The following PRDM5 variants were observed in gnomAD, a reference collection of about 807,000 sequenced individuals.
PRDM5 encodes the protein PR/SET domain 5.
Under a neutral mutation model 81.2 loss-of-function variants are expected in PRDM5, and 56 were observed. That is an observed-to-expected ratio of 0.69 (90% CI 0.56 to 0.86). The LOEUF is 0.86. Among genes scored for constraint, PRDM5 ranks in the 40% least tolerant of loss-of-function variants. The pLI is 0.00. For synonymous variants in PRDM5, 267 were observed against 256.4 expected, an observed-to-expected ratio of 1.04 and a Z score of -0.39; for missense variants, 697 against 770.1, an observed-to-expected ratio of 0.91 and a Z score of 1.12.
chr4:120,819,347 C>T (rs1754960976), intron 4 of PRDM5, among the ~76,000 whole-genome samples: 1 of 152,112 alleles, frequency 6.6e-6, no homozygotes, highest in African/African-American at 2.4e-5. Flanking sequence ...CATTGTTAGA[C>T]ATTTGGGTGG....
intron 11 of PRDM5, among the ~76,000 whole-genome samples, chr4:120,783,069 A>T (rs544763976): frequency 6.6e-6 from 1 of 152,234 alleles, no homozygotes; most frequent in South Asian, 2.1e-4. Flanking sequence ...AATTTCCAAA[A>T]TCATTACAAG....
chr4:120,686,451 G>A (rs888229356), intron 1 of PRDM5, among the ~76,000 whole-genome samples: 6 of 151,940 alleles, frequency 3.9e-5, no homozygotes, highest in Admixed American at 6.6e-5. Flanking sequence ...AGGATATTTC[G>A]TGCTTCTAAC....
At chr4:120,739,115 C>T (rs115473756) in intron 14 of PRDM5, among the ~76,000 whole-genome samples, 76 of 152,286 alleles carry the variant, frequency 5.0e-4, no homozygotes, top group African/African-American at 1.8e-3. Flanking sequence ...GCCTATCTGG[C>T]CTCTCCACAT....
chr4:120,701,480 C>T (rs1229616475), intron 15 of PRDM5, among the ~76,000 whole-genome samples: 1 of 152,090 alleles, frequency 6.6e-6, no homozygotes, highest in Non-Finnish European at 1.5e-5. Context: ...GCATATACAC[C>T]ATGGAATACT....
At chr4:120,707,734 A>C (rs1736408327) in intron 15 of PRDM5, among the ~76,000 whole-genome samples, 1 of 152,122 alleles carries the variant, frequency 6.6e-6, no homozygotes, top group Non-Finnish European at 1.5e-5. Flanking sequence ...TTTTCAACAA[A>C]GTGAAAAGAA....
rs1287933503 is a variant in PRDM5 at position 120,901,154 on chromosome 4, T to C, written c.177+6320A>G. Among the ~76,000 whole-genome samples, 5 of 152,304 alleles carry C rather than the reference T, an allele frequency of 3.3e-5. No individual in the cohort carries two copies. The East Asian group carries it at 9.6e-4, about 29-fold the overall frequency. The stretch of plus-strand genomic sequence containing the variant: ...GTTACATGGATGAATTCTACAGTGG[T>C]GACTTCTGAGATGTTAGTGTACCTG... On this transcript the variant is annotated intron_variant, in intron 2 of 15. Transcript: ENST00000264808.
At chr4:120,907,583 A>G in intron 1 of PRDM5, 26 bp from the exon 2 acceptor site, 1 of 1,538,872 alleles carries the variant, frequency 6.5e-7, no homozygotes. Context: ...TATATTGAAC[A>G]AGGATTAGTA....
At chr4:120,754,429 C>A in intron 14 of PRDM5, 124 bp downstream of exon 14, 2 of 610,230 alleles carry the variant, frequency 3.3e-6, no homozygotes, top group South Asian at 2.5e-5. Context: ...AAATATCTGT[C>A]ATAAATATAG....
chr4:120,811,017 G>A (rs1445343631), intron 8 of PRDM5, among the ~76,000 whole-genome samples: 6 of 151,856 alleles, frequency 4.0e-5, no homozygotes, highest in East Asian at 1.9e-4. Flanking sequence ...TTATTTTCAC[G>A]AATACCATCT....
chr4:120,920,496 T>C (rs1433864468), intron 1 of PRDM5, among the ~76,000 whole-genome samples: 1 of 152,200 alleles, frequency 6.6e-6, no homozygotes, highest in Non-Finnish European at 1.5e-5. Flanking sequence ...GAGGGACTGT[T>C]TGCCTTCCAT....
intron 2 of PRDM5, among the ~76,000 whole-genome samples, chr4:120,866,017 A>C (rs1433739758): frequency 6.6e-6 from 1 of 152,158 alleles, no homozygotes; most frequent in East Asian, 1.9e-4. Context: ...CTCTTTTTCT[A>C]TATCAACTCA....
chr4:120,794,663 G>A (rs1427848176), intron 10 of PRDM5, among the ~76,000 whole-genome samples: 9 of 144,814 alleles, frequency 6.2e-5, no homozygotes, highest in Non-Finnish European at 1.2e-4. Context: ...TCGCTCTGTT[G>A]CTCAGGCTGG....
chr4:120,716,554 T>A (rs1228521870), intron 14 of PRDM5, among the ~76,000 whole-genome samples: 1 of 152,166 alleles, frequency 6.6e-6, no homozygotes, highest in African/African-American at 2.4e-5. Context: ...CAGGCAGCTG[T>A]GTTTGTCCTT....
At chr4:120,868,982 C>T (rs563446806) in intron 2 of PRDM5, among the ~76,000 whole-genome samples, 1 of 152,218 alleles carries the variant, frequency 6.6e-6, no homozygotes, top group South Asian at 2.1e-4. Flanking sequence ...ACATAGCCCT[C>T]CTTTGGGATT....
At chr4:120,735,373 T>G (rs887379366) in intron 14 of PRDM5, among the ~76,000 whole-genome samples, 7 of 152,198 alleles carry the variant, frequency 4.6e-5, no homozygotes, top group Admixed American at 3.9e-4. Context: ...TTTTACATTA[T>G]TCATATGTTC....
chr4:120,766,622 G>A (rs531101912), intron 13 of PRDM5, among the ~76,000 whole-genome samples: 1 of 152,154 alleles, frequency 6.6e-6, no homozygotes, highest in East Asian at 1.9e-4. Context: ...TAACAGCAGG[G>A]GTCAGGGGGT....
At chr4:120,889,046 T>C (rs1410439076) in intron 2 of PRDM5, among the ~76,000 whole-genome samples, 1 of 152,196 alleles carries the variant, frequency 6.6e-6, no homozygotes, top group Non-Finnish European at 1.5e-5. Context: ...CTCTTTGTAG[T>C]ATCTTCTGAT....
intron 14 of PRDM5, among the ~76,000 whole-genome samples, chr4:120,722,050 T>G (rs1410422278): frequency 6.6e-6 from 1 of 152,156 alleles, no homozygotes; most frequent in African/African-American, 2.4e-5. Flanking sequence ...GTTAAGCCAC[T>G]GCCCCTGAAG....
intron 14 of PRDM5, among the ~76,000 whole-genome samples, chr4:120,720,288 T>A (rs1738408083): frequency 6.6e-6 from 1 of 152,176 alleles, no homozygotes; most frequent in Admixed American, 6.5e-5. Flanking sequence ...CAGACTGATG[T>A]GTGCTCCTCA....
Sources: gnomAD v4.1 joint callset for allele counts (sites outside exome capture counted in the v4.1 genomes callset) on GRCh38, gnomAD v4.1.1 for gene constraint, MANE v1.5 for transcripts, NCBI Gene and HGNC (gene_info 2026-07-23, HGNC 2026-07-21) for gene names.